Variants in CHURC1 observed in about 807,000 individuals in gnomAD.
The protein encoded by CHURC1 is protein Churchill.
In CHURC1, 12 loss-of-function variants were observed where a neutral mutation model predicts 15.4. That is an observed-to-expected ratio of 0.78 (90% CI 0.50 to 1.27). The LOEUF is 1.27. Among genes scored for constraint, CHURC1 ranks in the 50% most tolerant of loss-of-function variants. The pLI is 0.00. For synonymous variants in CHURC1, 42 were observed against 47.5 expected, an observed-to-expected ratio of 0.88 and a Z score of 0.48; for missense variants, 132 against 137.8, an observed-to-expected ratio of 0.96 and a Z score of 0.21.
In CHURC1 at chr14:64,933,053, A is replaced by T. The variant is rs1885165540; in HGVS notation, c.*823A>T. ...ATCACATCATACAGAATGTGATAAG[A>T]ATGGCACTTTACCTCTGTGGTCCTC... On this transcript the variant is annotated 3_prime_UTR_variant, in exon 4 of 4. Coordinates refer to ENST00000549115, the MANE Select transcript of CHURC1 (RefSeq NM_001386928.1). 1 of 152,574 alleles carries T rather than the reference A, an allele frequency of 6.6e-6. No individual in the cohort carries two copies. Among genetic ancestry groups the T allele is most frequent in the South Asian group, 2.1e-4 (1 of 4,840 alleles). 9.5% of individuals were successfully genotyped at this position (152,574 alleles called of 1,614,324 possible).
chr14:64,932,169 A>G lies in CHURC1; in HGVS notation c.278A>G (p.Lys93Arg). The G allele has an allele frequency of 6.2e-7, 1 of 1,613,960 alleles. No homozygotes were observed. The highest frequency in any genetic ancestry group is 1.1e-5 in the South Asian group (1 of 91,062). The change falls in exon 4 of 4, where the codon AAA (lysine) becomes AGA (arginine). Residue 93 changes from lysine (K) to arginine (R), a missense_variant. Lys to Arg is a conservative substitution (Grantham distance 26). Coordinates refer to ENST00000549115, the MANE Select transcript of CHURC1 (RefSeq NM_001386928.1). ...ACCATGCTGTGTCTGTTATGCGGCA[A>G]AGCCGAAGATACTATCAGTATTCTC... Reference protein sequence around the residue: ...EYTMLCLLCGKAEDTISILPD... With the variant: ...EYTMLCLLCGRAEDTISILPD...
At chr14:64,914,671 AG>A in intron 1 of CHURC1, 137 bp downstream of exon 1, 3 of 1,504,304 alleles carry the variant, frequency 2.0e-6, no homozygotes. Context: ...AGCGGTATTT[AG>A]GCACACCAGG....
chr14:64,925,064 G>A (rs1012602068), intron 2 of CHURC1, among the ~76,000 whole-genome samples: 1 of 152,080 alleles, frequency 6.6e-6, no homozygotes, highest in African/African-American at 2.4e-5. Context: ...AAGAGCAAGG[G>A]CCCTGGAGCT....
intron 3 of CHURC1, among the ~76,000 whole-genome samples, chr14:64,929,930 C>A (rs78603758): frequency 1.4e-5 from 2 of 139,134 alleles, no homozygotes; most frequent in Non-Finnish European, 3.1e-5. Context: ...AAAAACCCTC[C>A]TAGCAAAAGC....
In CHURC1 at chr14:64,926,037, TAGCC is replaced by T. The variant is rs1215376671; in HGVS notation, c.206_209del (p.Ala69AspfsTer39). 2 of 1,600,432 alleles carry T rather than the reference TAGCC, an allele frequency of 1.2e-6. No individual in the cohort carries two copies. Among genetic ancestry groups the T allele is most frequent in the African/African-American group, 1.3e-5 (1 of 74,376 alleles). On this transcript the variant is annotated frameshift_variant, in exon 3 of 4. Coordinates refer to ENST00000549115, the MANE Select transcript of CHURC1 (RefSeq NM_001386928.1). LOFTEE classifies it high-confidence loss of function. ...TTGTGTAAGAATTGTCATCATGTAA[TAGCC>T]AGACATGAGTATACATTCAGTATCA...
chr14:64,921,076 A>G (rs1884258531), intron 1 of CHURC1, among the ~76,000 whole-genome samples: 1 of 152,240 alleles, frequency 6.6e-6, no homozygotes, highest in Non-Finnish European at 1.5e-5. Context: ...ACTTTTTTCT[A>G]CAAAAGCACC....
chr14:64,930,547 G>A (rs1055005257), intron 3 of CHURC1, among the ~76,000 whole-genome samples: 1 of 152,164 alleles, frequency 6.6e-6, no homozygotes, highest in Non-Finnish European at 1.5e-5. Context: ...AAGATTACAG[G>A]TGTAATCAGT....
intron 1 of CHURC1, among the ~76,000 whole-genome samples, chr14:64,920,892 T>C (rs929655765): frequency 2.0e-5 from 3 of 152,230 alleles, no homozygotes; most frequent in Non-Finnish European, 2.9e-5. Flanking sequence ...TGTTAAAATT[T>C]ACATGAAACT....
chr14:64,930,985 A>G (rs1203220182), intron 3 of CHURC1: 4 of 375,214 alleles, frequency 1.1e-5, no homozygotes, highest in African/African-American at 4.3e-5. Context: ...GCCTGCTTCT[A>G]TTTCTTTGTA....
intron 3 of CHURC1, chr14:64,930,852 G>A (rs1483764428): frequency 1.3e-5 from 6 of 455,346 alleles, no homozygotes; most frequent in Admixed American, 1.2e-4. Context: ...AAGTATTTGA[G>A]AACAGTAAAA....
intron 1 of CHURC1, among the ~76,000 whole-genome samples, chr14:64,918,647 G>C (rs1482619868): frequency 6.6e-6 from 1 of 152,140 alleles, no homozygotes; most frequent in African/African-American, 2.4e-5. Context: ...GGGCTACATA[G>C]TGAGACCCCA....
intron 2 of CHURC1, among the ~76,000 whole-genome samples, chr14:64,924,955 A>G (rs192492364): frequency 2.9e-4 from 44 of 152,324 alleles, no homozygotes; most frequent in African/African-American, 8.4e-4. Flanking sequence ...GGAGTCAGAT[A>G]ATAATAAATG....
intron 3 of CHURC1, among the ~76,000 whole-genome samples, chr14:64,930,089 A>C (rs920902030): frequency 6.6e-6 from 1 of 151,902 alleles, no homozygotes; most frequent in Admixed American, 6.6e-5. Flanking sequence ...GAGTAAAGCT[A>C]ATAGAGAAAA....
intron 1 of CHURC1, among the ~76,000 whole-genome samples, chr14:64,922,577 CAAAAAAAAAA>C (rs572205182): frequency 2.4e-5 from 2 of 84,032 alleles, no homozygotes; most frequent in Non-Finnish European, 5.1e-5. Context: ...GACTCCGTCT[CAAAAAAAAAA>C]AAAAAAAAAA....
At position 64,934,627 on chromosome 14, in the gene CHURC1, A is replaced by G. The variant is rs1032444280; in HGVS notation, c.*2397A>G. The G allele has an allele frequency of 1.4e-5, 14 of 985,322 alleles. No homozygotes were observed. The highest frequency in any genetic ancestry group is 5.2e-4 in the Middle Eastern group (1 of 1,936). The allele number at this position is 985,322 out of a possible 1,614,324, so 61.0% of individuals were successfully genotyped here. The stretch of plus-strand genomic sequence containing the variant: ...ATGTTTTTCATTTTGCTGCAAATCT[A>G]TATCTGACCTGCTGAGGAAATCGTT... On this transcript the variant is annotated 3_prime_UTR_variant, in exon 4 of 4. Coordinates refer to ENST00000549115, the MANE Select transcript of CHURC1 (RefSeq NM_001386928.1).
At chr14:64,917,454 T>G (rs1883966907) in intron 1 of CHURC1, among the ~76,000 whole-genome samples, 1 of 151,580 alleles carries the variant, frequency 6.6e-6, no homozygotes, top group Non-Finnish European at 1.5e-5. Context: ...TCCCAGCTAC[T>G]TGGGAGGCTG....
chr14:64,921,502 C>G (rs1425191346), intron 1 of CHURC1, among the ~76,000 whole-genome samples: 2 of 151,916 alleles, frequency 1.3e-5, no homozygotes, highest in Admixed American at 1.3e-4. Context: ...TGAAAATGGG[C>G]AAAAGACTTG....
intron 2 of CHURC1, among the ~76,000 whole-genome samples, chr14:64,924,814 A>G (rs553042063): frequency 7.2e-5 from 11 of 152,324 alleles, no homozygotes; most frequent in African/African-American, 2.6e-4. Context: ...TATTGTGAGA[A>G]GTATTTAACT....
At chr14:64,927,989 T>C (rs1185907014) in intron 3 of CHURC1, among the ~76,000 whole-genome samples, 2 of 151,890 alleles carry the variant, frequency 1.3e-5, no homozygotes, top group Non-Finnish European at 2.9e-5. Context: ...ATATCCAAGC[T>C]CCTCATTTCA....
Sources: gnomAD v4.1 joint callset for allele counts (sites outside exome capture counted in the v4.1 genomes callset) on GRCh38, gnomAD v4.1.1 for gene constraint, MANE v1.5 for transcripts, NCBI Gene and HGNC (gene_info 2026-07-23, HGNC 2026-07-21) for gene names.